The following LIN54 variants were observed in gnomAD, a reference collection of about 807,000 sequenced individuals.
The protein encoded by LIN54 is lin-54 DREAM MuvB core complex component.
LIN54 carries 9 observed loss-of-function variants against 78.7 expected under a neutral mutation model. That is an observed-to-expected ratio of 0.11 (90% CI 0.07 to 0.20). The LOEUF is 0.20. LIN54 is among the 10% of genes least tolerant of loss of function. The pLI, the probability that LIN54 is intolerant of heterozygous loss-of-function variation, is 1.00. For synonymous variants in LIN54, 269 were observed against 318.4 expected (o/e 0.84, Z 1.65); for missense variants, 573 against 889.9 (o/e 0.64, Z 4.53).
intron 1 of LIN54, among the ~76,000 whole-genome samples, chr4:82,987,408 AAAAC>A (rs1727254683): frequency 6.6e-6 from 1 of 152,126 alleles, no homozygotes; most frequent in African/African-American, 2.4e-5. Flanking sequence ...TTCTAAGAAA[AAAAC>A]AAAAAACAAA....
intron 11 of LIN54, among the ~76,000 whole-genome samples, chr4:82,931,571 A>G (rs1194942551): frequency 6.6e-6 from 1 of 152,208 alleles, no homozygotes; most frequent in South Asian, 2.1e-4. Flanking sequence ...GATTTCACAG[A>G]TGCCATTTTT....
At chr4:82,981,031 GA>G (rs538850837) in intron 2 of LIN54, among the ~76,000 whole-genome samples, 45 of 152,164 alleles carry the variant, frequency 3.0e-4, no homozygotes, top group African/African-American at 1.1e-3. Flanking sequence ...AAGGAACTAT[GA>G]TTTTTTTGCA....
At position 82,939,740 on chromosome 4, in the gene LIN54, AAAAG is replaced by A. The variant is rs1349075580; in HGVS notation, c.1243-8_1243-5del. Reference sequence around the variant, plus strand: ...GATTGATTGGTTTTGGAACAACCTAAAAAGAAGGGACATATATCAATGACCACAA... The same window carrying A: ...GATTGATTGGTTTTGGAACAACCTAAAAGGGACATATATCAATGACCACAA... On this transcript the variant is annotated splice_polypyrimidine_tract_variant and splice_region_variant and intron_variant, in intron 6 of 12. Transcript: ENST00000340417. 3.7e-6 allele frequency: 6 copies of A among 1,613,986 alleles called. No homozygotes were observed. The Admixed American group carries it at 1.0e-4, about 27-fold the overall frequency.
At chr4:82,934,390 G>A (rs1043645905) in intron 11 of LIN54, among the ~76,000 whole-genome samples, 1 of 152,016 alleles carries the variant, frequency 6.6e-6, no homozygotes, top group African/African-American at 2.4e-5. Context: ...TGGGCGACAG[G>A]GCGAGACTCC....
intron 1 of LIN54, among the ~76,000 whole-genome samples, chr4:82,993,952 A>T (rs1223126634): frequency 6.6e-6 from 1 of 152,036 alleles, no homozygotes; most frequent in Non-Finnish European, 1.5e-5. Flanking sequence ...GGCAAGGGGG[A>T]ATATGACAGA....
Position 82,970,473 on chromosome 4 carries a change from C to A in LIN54, c.809-4G>T. 6.2e-7 allele frequency: 1 copy of A among 1,601,216 alleles called. No homozygotes were observed. ...GTAGACTGTGAAAGAACCCTACCTG[C>A]AAATGAGAGGCAGCACATCAGTTTG... On this transcript the variant is annotated splice_polypyrimidine_tract_variant and splice_region_variant and intron_variant, in intron 3 of 12. Transcript: ENST00000340417.
chr4:82,959,212 G>A (rs7685013), intron 4 of LIN54, among the ~76,000 whole-genome samples: 28,049 of 152,040 alleles, frequency 0.18, 2,760 homozygotes, highest in South Asian at 0.32. Flanking sequence ...AAACATTGCT[G>A]TAGAGCTGAT....
At chr4:82,968,438 A>G (rs1725397958) in intron 4 of LIN54, among the ~76,000 whole-genome samples, 1 of 152,110 alleles carries the variant, frequency 6.6e-6, no homozygotes, top group African/African-American at 2.4e-5. Flanking sequence ...TAGGGCTACC[A>G]TCTACCCCGT....
At chr4:82,931,756 T>C (rs1369918965) in intron 11 of LIN54, among the ~76,000 whole-genome samples, 1 of 152,218 alleles carries the variant, frequency 6.6e-6, no homozygotes, top group East Asian at 1.9e-4. Context: ...AGACCTTATG[T>C]ATATACAAAT....
intron 8 of LIN54, 21 bp downstream of exon 8, chr4:82,938,392 A>T (rs1470993092): frequency 7.6e-7 from 1 of 1,308,666 alleles, no homozygotes; most frequent in Non-Finnish European, 1.1e-6. Flanking sequence ...CAACTTATGT[A>T]CCTATTTTCA....
At chr4:82,929,673 G>A (rs1369609660) in intron 12 of LIN54, among the ~76,000 whole-genome samples, 1 of 151,868 alleles carries the variant, frequency 6.6e-6, no homozygotes, top group Non-Finnish European at 1.5e-5. Context: ...GGGCGTCGTG[G>A]TGTATGCCTG....
At chr4:82,974,149 G>C (rs983172524) in intron 3 of LIN54, among the ~76,000 whole-genome samples, 1 of 151,844 alleles carries the variant, frequency 6.6e-6, no homozygotes, top group African/African-American at 2.4e-5. Flanking sequence ...GGCGGAGCTT[G>C]CAGTGAGCCG....
chr4:83,002,094 TGTA>T (rs1356245646), intron 1 of LIN54, among the ~76,000 whole-genome samples: 2 of 150,574 alleles, frequency 1.3e-5, no homozygotes, highest in Non-Finnish European at 3.0e-5. Context: ...AGAAAGAAGA[TGTA>T]GAAGAAGCAC....
rs1196084301 is a variant in LIN54, at chr4:82,970,465, C to G, written c.813G>C (p.Arg271Ser). 6.2e-7 allele frequency: 1 copy of G among 1,602,582 alleles called. No homozygotes were observed. Among genetic ancestry groups the G allele is most frequent in the Non-Finnish European group, 8.5e-7 (1 of 1,176,524 alleles). ...TQVSPPVIAGRVLSQSTPGTP... is the reference protein window; with the variant it reads ...TQVSPPVIAGSVLSQSTPGTP... ...TTCCGGGAGTAGACTGTGAAAGAAC[C>G]CTACCTGCAAATGAGAGGCAGCACA... The change falls in exon 4 of 13, where the codon AGG (arginine) becomes AGC (serine). Residue 271 changes from arginine to serine, a missense_variant. Around this residue, in one of 6 missense-constraint regions of LIN54, gnomAD observed 199 missense variants for 260.9 expected, o/e 0.76. Coordinates refer to ENST00000340417, the MANE Select transcript of LIN54 (RefSeq NM_194282.4).
intron 4 of LIN54, among the ~76,000 whole-genome samples, chr4:82,949,113 C>T (rs912993524): frequency 6.6e-6 from 1 of 152,136 alleles, no homozygotes; most frequent in Non-Finnish European, 1.5e-5. Flanking sequence ...AATGGCTGCA[C>T]CAATCTACAT....
At chr4:82,994,316 C>T (rs192219111) in intron 1 of LIN54, among the ~76,000 whole-genome samples, 66 of 152,170 alleles carry the variant, frequency 4.3e-4, no homozygotes, top group African/African-American at 1.1e-3. Flanking sequence ...TACTCTTTAA[C>T]ATTCTCATCA....
At chr4:82,994,252 C>T (rs1257615738) in intron 1 of LIN54, among the ~76,000 whole-genome samples, 2 of 152,030 alleles carry the variant, frequency 1.3e-5, no homozygotes, top group Non-Finnish European at 2.9e-5. Flanking sequence ...GATTTTCTAG[C>T]TATGCTATTA....
chr4:82,957,360 CCTAA>C (rs1724414543), intron 4 of LIN54, among the ~76,000 whole-genome samples: 2 of 152,116 alleles, frequency 1.3e-5, no homozygotes, highest in Non-Finnish European at 2.9e-5. Context: ...ACAGACATTG[CCTAA>C]CTAATATTTT....
At chr4:83,000,117 C>T (rs999325800) in intron 1 of LIN54, among the ~76,000 whole-genome samples, 1 of 152,114 alleles carries the variant, frequency 6.6e-6, no homozygotes, top group Non-Finnish European at 1.5e-5. Context: ...TGGTCTCGAA[C>T]TCCTGGGCTC....
Sources: allele counts gnomAD v4.1 joint callset (sites outside exome capture counted in the v4.1 genomes callset), GRCh38; gene constraint gnomAD v4.1.1; regional missense constraint gnomAD v4.1.1; transcripts MANE v1.5; gene names NCBI Gene and HGNC (gene_info 2026-07-23, HGNC 2026-07-21).